Variants in NRCAM observed in about 807,000 individuals in gnomAD.
NRCAM encodes the protein neuronal cell adhesion molecule, also known as NgCAM-related cell adhesion molecule.
Under a neutral mutation model 156.5 loss-of-function variants are expected in NRCAM, and 83 were observed. That is an observed-to-expected ratio of 0.53 (90% CI 0.44 to 0.64). The LOEUF (loss-of-function observed/expected upper bound fraction) is 0.64, where lower values mean the gene tolerates loss of function less well. Among genes scored for constraint, NRCAM ranks in the 30% least tolerant of loss-of-function variants. The probability of loss-of-function intolerance (pLI) is 0.00; values close to 1 mark genes in which losing one functional copy is unlikely to be tolerated. For missense variants in NRCAM, 1,417 were observed against 1,597.3 expected (o/e 0.89, Z 1.92); for synonymous variants, 538 against 563.9 (o/e 0.95, Z 0.65).
chr7:108,434,541 TACAC>T (rs141756969), intron 1 of NRCAM, among the ~76,000 whole-genome samples: 1,760 of 141,180 alleles, frequency 0.012, 31 homozygotes, highest in East Asian at 0.08. Flanking sequence ...CAATGGAATG[TACAC>T]ACACACACAC....
chr7:108,412,938 A>T (rs1797249730), intron 1 of NRCAM, among the ~76,000 whole-genome samples: 1 of 152,152 alleles, frequency 6.6e-6, no homozygotes, highest in African/African-American at 2.4e-5. Context: ...TTCTTTATCC[A>T]TTCATCCATA....
intron 27 of NRCAM, among the ~76,000 whole-genome samples, chr7:108,175,578 CCCAGTA>C (rs2060169753): frequency 1.3e-5 from 2 of 152,092 alleles, no homozygotes; most frequent in South Asian, 4.2e-4. Context: ...AGTTTGAATA[CCCAGTA>C]TTCAAACACA....
intron 3 of NRCAM, among the ~76,000 whole-genome samples, chr7:108,255,859 C>A (rs1396500972): frequency 6.6e-6 from 1 of 151,414 alleles, no homozygotes; most frequent in Non-Finnish European, 1.5e-5. Flanking sequence ...CCGGCAGCCG[C>A]CCCGTCTGGG....
intron 3 of NRCAM, among the ~76,000 whole-genome samples, chr7:108,272,921 T>C (rs1270004731): frequency 6.6e-6 from 1 of 152,064 alleles, no homozygotes; most frequent in Non-Finnish European, 1.5e-5. Flanking sequence ...CAACAGGCCC[T>C]GGTGTGTGAT....
intron 3 of NRCAM, among the ~76,000 whole-genome samples, chr7:108,262,630 T>G (rs571830665): frequency 3.9e-5 from 6 of 152,302 alleles, no homozygotes; most frequent in Admixed American, 3.9e-4. Context: ...TCCTTGAAGA[T>G]CTATAGGACA....
intron 14 of NRCAM, among the ~76,000 whole-genome samples, chr7:108,196,567 A>G (rs1241177026): frequency 2.0e-5 from 3 of 152,252 alleles, no homozygotes; most frequent in Non-Finnish European, 4.4e-5. Flanking sequence ...AACAGCCAAC[A>G]GGTATATGGG....
At chr7:108,274,171 C>T (rs11896993) in intron 3 of NRCAM, among the ~76,000 whole-genome samples, 6,337 of 152,102 alleles carry the variant, frequency 0.042, 176 homozygotes, top group South Asian at 0.11. Flanking sequence ...AGTCAGGTAG[C>T]GTGATGCCTC....
intron 2 of NRCAM, among the ~76,000 whole-genome samples, chr7:108,382,328 G>C (rs975373781): frequency 1.3e-5 from 2 of 152,082 alleles, no homozygotes; most frequent in African/African-American, 2.4e-5. Flanking sequence ...GGGCGCGGTG[G>C]TTCATGCCTC....
intron 1 of NRCAM, among the ~76,000 whole-genome samples, chr7:108,421,038 C>T (rs1322638212): frequency 6.6e-6 from 1 of 152,108 alleles, no homozygotes; most frequent in African/African-American, 2.4e-5. Flanking sequence ...ACTTCATTCC[C>T]CCACATACCC....
rs1227140229 is a variant in NRCAM at position 108,408,085 on chromosome 7, C to A, written c.-331-8492G>T. ...GAAGTGATTTTATCATTTTCAACTA[C>A]AAACAATAACAGATTTGTTTTCTTT... On this transcript the variant is annotated intron_variant, in intron 1 of 32. Coordinates refer to ENST00000379028, the MANE Select transcript of NRCAM (RefSeq NM_001037132.4). Among the ~76,000 whole-genome samples the A allele has an allele frequency of 2.0e-5, 3 of 152,140 alleles. No individual in the cohort carries two copies. The East Asian group carries it at 5.8e-4, about 29-fold the overall frequency.
chr7:108,425,137 T>C (rs1815451570), intron 1 of NRCAM, among the ~76,000 whole-genome samples: 1 of 152,192 alleles, frequency 6.6e-6, no homozygotes, highest in African/African-American at 2.4e-5. Flanking sequence ...TGAGATGTCA[T>C]GGCTTTCATC....
intron 2 of NRCAM, among the ~76,000 whole-genome samples, chr7:108,356,228 T>C (rs1377142374): frequency 6.6e-6 from 1 of 152,210 alleles, no homozygotes; most frequent in Admixed American, 6.5e-5. Flanking sequence ...ATTACAGGCA[T>C]AAGCCACTGT....
intron 2 of NRCAM, among the ~76,000 whole-genome samples, chr7:108,335,579 T>A (rs2099176581): frequency 6.6e-6 from 1 of 152,044 alleles, no homozygotes; most frequent in Admixed American, 6.6e-5. Context: ...ATTCCTTAGA[T>A]GCAGAAAATG....
chr7:108,166,871 C>A, intron 30 of NRCAM, 50 bp downstream of exon 30: 2 of 1,560,622 alleles, frequency 1.3e-6, no homozygotes, highest in Non-Finnish European at 1.8e-6. Context: ...GAGCACCTGG[C>A]GGCCTCCACC....
At position 108,195,837 on chromosome 7, in the gene NRCAM, G is replaced by A. The variant is rs561321798; in HGVS notation, c.1387C>T (p.Leu463Phe). The change falls in exon 15 of 33, where the codon CTC (leucine) becomes TTC (phenylalanine). Residue 463 changes from leucine (L) to phenylalanine (F), a missense_variant. Around this residue, in one of 2 missense-constraint regions of NRCAM, gnomAD observed 1,238 missense variants for 1,336.4 expected, o/e 0.93. Coordinates refer to ENST00000379028, the MANE Select transcript of NRCAM (RefSeq NM_001037132.4). ...PPRILTPANT[L>F]YQVIANRPAL... ...GGCCTGTTTGCAATGACCTGGTAGA[G>A]TGTGTTTGCAGGTGTGAGGATTCGT... is the stretch of plus-strand genomic sequence containing the variant. 3.2e-5 allele frequency: 52 copies of A among 1,613,574 alleles called. No individual in the cohort carries two copies. The South Asian group carries it at 4.9e-4, about 15-fold the overall frequency.
chr7:108,370,316 G>A (rs1484531010), intron 2 of NRCAM, among the ~76,000 whole-genome samples: 3 of 152,108 alleles, frequency 2.0e-5, no homozygotes, highest in Non-Finnish European at 4.4e-5. Flanking sequence ...TATATTTGGA[G>A]GGCTTTCTTT....
intron 25 of NRCAM, 102 bp from the exon 26 acceptor site, chr7:108,178,214 C>T: frequency 8.3e-7 from 1 of 1,204,116 alleles, no homozygotes; most frequent in Non-Finnish European, 1.2e-6. Flanking sequence ...TTTTGAGTTT[C>T]AGTAACTCAT....
chr7:108,166,600 T>C (rs1309811061), intron 30 of NRCAM, among the ~76,000 whole-genome samples: 1 of 152,158 alleles, frequency 6.6e-6, no homozygotes, highest in African/African-American at 2.4e-5. Context: ...CTTAAAAAAT[T>C]TCAGTTTAAC....
chr7:108,199,505 G>A (rs998894500), intron 13 of NRCAM, among the ~76,000 whole-genome samples: 1 of 152,196 alleles, frequency 6.6e-6, no homozygotes, highest in African/African-American at 2.4e-5. Flanking sequence ...GAGCTGCGTC[G>A]CTTTCTGAAG....
Sources: allele counts gnomAD v4.1 joint callset (sites outside exome capture counted in the v4.1 genomes callset), GRCh38; gene constraint gnomAD v4.1.1; regional missense constraint gnomAD v4.1.1; transcripts MANE v1.5; gene names NCBI Gene and HGNC (gene_info 2026-07-23, HGNC 2026-07-21).